The following SMAP1 variants were observed in gnomAD, a reference collection of about 807,000 sequenced individuals.
SMAP1 encodes small ArfGAP 1, also known as stromal membrane-associated protein 1.
Under a neutral mutation model 58.5 loss-of-function variants are expected in SMAP1, and 24 were observed. The ratio of observed to expected loss-of-function variants is 0.41; its 90% CI spans 0.30 to 0.58. SMAP1 has a LOEUF of 0.58. Ranked by LOEUF, SMAP1 falls within the 20% of genes least tolerant of loss-of-function variation. The probability of loss-of-function intolerance (pLI) is 0.29; values close to 1 mark genes in which losing one functional copy is unlikely to be tolerated. For synonymous variants in SMAP1, 216 were observed against 196.6 expected (o/e 1.10, Z -0.82); for missense variants, 563 against 566.3 (o/e 0.99, Z 0.06).
rs746259002 is a variant in SMAP1, at chr6:70,773,049, G to A, written c.339-301G>A. ...CAAATGAACCTGAATTGAATTTAAA[G>A]TGTGGTGATGCATTGATAGTGGTGG... On this transcript the variant is annotated intron_variant, in intron 3 of 10. Coordinates refer to ENST00000370455, the MANE Select transcript of SMAP1 (RefSeq NM_001044305.3). 2.9e-5 allele frequency: 8 copies of A among 277,726 alleles called. No individual in the cohort carries two copies. In the East Asian group the frequency reaches 6.4e-4, roughly 22 times the overall value. The allele number at this position is 277,726 out of a possible 1,614,324, so 17.2% of individuals were successfully genotyped here. A position where few individuals can be genotyped will look rare whatever the true frequency, so the allele number is the denominator to read the frequency against.
chr6:70,783,885 A>G (rs536431711), intron 4 of SMAP1, among the ~76,000 whole-genome samples: 77 of 152,344 alleles, frequency 5.1e-4, no homozygotes, highest in African/African-American at 1.6e-3. Context: ...TCTGCAGGAT[A>G]TTATCCAGGA....
intron 1 of SMAP1, among the ~76,000 whole-genome samples, chr6:70,684,996 C>G (rs916039659): frequency 6.6e-6 from 1 of 152,106 alleles, no homozygotes; most frequent in Non-Finnish European, 1.5e-5. Flanking sequence ...TTTATGAGCT[C>G]CAGTGTCATT....
chr6:70,750,135 A>G (rs762131486), intron 2 of SMAP1, among the ~76,000 whole-genome samples: 23 of 152,146 alleles, frequency 1.5e-4, no homozygotes, highest in African/African-American at 5.3e-4. Context: ...TTATCTTCAC[A>G]TATTTATTTC....
intron 5 of SMAP1, among the ~76,000 whole-genome samples, chr6:70,794,559 C>G (rs1189055673): frequency 6.6e-6 from 1 of 152,098 alleles, no homozygotes; most frequent in African/African-American, 2.4e-5. Flanking sequence ...TATCTCCCAC[C>G]ACCCCACGAC....
rs1489224743 is a variant in SMAP1 at position 70,791,758 on chromosome 6, A to C, written c.484A>C (p.Asn162His). The stretch of plus-strand genomic sequence containing the variant: ...TTCTCTGCAAGCTGCTGTTGACAAA[A>C]ATAAATTGGAGGTATGGTCATGTTT... The part of the protein sequence containing the change: ...SPSLQAAVDK[N>H]KLEKEKEKKK... Residue 162 changes from asparagine to histidine, a missense_variant, in exon 5 of 11, where the codon AAT (asparagine) becomes CAT (histidine). Asn to His is a moderately conservative substitution (Grantham distance 68, BLOSUM62 1). Coordinates refer to ENST00000370455, the MANE Select transcript of SMAP1 (RefSeq NM_001044305.3). 6.2e-7 allele frequency: 1 copy of C among 1,613,220 alleles called. No individual in the cohort carries two copies. The highest frequency in any genetic ancestry group is 1.7e-5 in the Admixed American group (1 of 59,954).
chr6:70,705,326 T>A (rs4707848), intron 1 of SMAP1, among the ~76,000 whole-genome samples: 103,126 of 151,210 alleles, frequency 0.68, 36,465 homozygotes, highest in African/African-American at 0.87. Context: ...ATCTTGGGTC[T>A]CTGCAGCTTC....
chr6:70,728,098 G>A (rs1765263241), intron 1 of SMAP1, among the ~76,000 whole-genome samples: 1 of 152,090 alleles, frequency 6.6e-6, no homozygotes, highest in African/African-American at 2.4e-5. Flanking sequence ...CAGGGTAGAA[G>A]TTTATTTCTC....
chr6:70,739,237 G>A (rs549391265), intron 2 of SMAP1, among the ~76,000 whole-genome samples: 3 of 152,222 alleles, frequency 2.0e-5, no homozygotes, highest in African/African-American at 7.2e-5. Flanking sequence ...AAGTTTTCAT[G>A]ACACTATTTT....
intron 3 of SMAP1, among the ~76,000 whole-genome samples, chr6:70,760,698 A>G (rs1329484314): frequency 6.6e-6 from 1 of 152,080 alleles, no homozygotes; most frequent in Non-Finnish European, 1.5e-5. Context: ...GTAGTTTTAT[A>G]GATATAAATA....
intron 3 of SMAP1, among the ~76,000 whole-genome samples, chr6:70,765,966 A>T (rs376182863): frequency 7.1e-6 from 1 of 141,314 alleles, no homozygotes; most frequent in Admixed American, 7.9e-5. Context: ...TCATTGTTCA[A>T]TTCCCACCTA....
At chr6:70,785,743 G>A (rs904836895) in intron 4 of SMAP1, among the ~76,000 whole-genome samples, 1 of 152,132 alleles carries the variant, frequency 6.6e-6, no homozygotes, top group Non-Finnish European at 1.5e-5. Context: ...CCTCCCAAGA[G>A]TAAACCAGGA....
chr6:70,764,392 T>G (rs1022570796), intron 3 of SMAP1, among the ~76,000 whole-genome samples: 2 of 152,246 alleles, frequency 1.3e-5, no homozygotes, highest in Non-Finnish European at 2.9e-5. Context: ...ACGTTCATAC[T>G]GGAGAAGTGA....
At chr6:70,760,128 G>T (rs1421079508) in intron 3 of SMAP1, among the ~76,000 whole-genome samples, 1 of 151,998 alleles carries the variant, frequency 6.6e-6, no homozygotes, top group African/African-American at 2.4e-5. Context: ...TTTAAGTCTT[G>T]ATTGCCTTTG....
At chr6:70,813,880 T>C (rs1247072949) in intron 6 of SMAP1, among the ~76,000 whole-genome samples, 4 of 152,190 alleles carry the variant, frequency 2.6e-5, no homozygotes, top group South Asian at 2.1e-4. Flanking sequence ...TGCAGACATA[T>C]ACAATTTTAT....
intron 1 of SMAP1, among the ~76,000 whole-genome samples, chr6:70,684,202 T>A (rs946845649): frequency 6.6e-6 from 1 of 152,244 alleles, no homozygotes; most frequent in African/African-American, 2.4e-5. Context: ...TCATCTGCAG[T>A]GTTAACTAGG....
chr6:70,726,309 GA>G (rs1193100964), intron 1 of SMAP1, among the ~76,000 whole-genome samples: 1 of 152,174 alleles, frequency 6.6e-6, no homozygotes, highest in African/African-American at 2.4e-5. Flanking sequence ...GTAAGCTAGA[GA>G]CTGCTTAAAT....
intron 2 of SMAP1, among the ~76,000 whole-genome samples, chr6:70,740,082 A>G (rs1353158869): frequency 6.6e-6 from 1 of 152,122 alleles, no homozygotes; most frequent in African/African-American, 2.4e-5. Flanking sequence ...ATGTGTCTTC[A>G]TTGTAGAGCT....
chr6:70,801,075 T>A (rs1207206589), intron 6 of SMAP1, among the ~76,000 whole-genome samples: 1 of 152,218 alleles, frequency 6.6e-6, no homozygotes, highest in Non-Finnish European at 1.5e-5. Flanking sequence ...TAGTTCTAGA[T>A]CCTTGGGGAA....
intron 4 of SMAP1, among the ~76,000 whole-genome samples, chr6:70,782,380 T>C (rs960235858): frequency 6.6e-6 from 1 of 152,226 alleles, no homozygotes; most frequent in Non-Finnish European, 1.5e-5. Context: ...AAATATTTAT[T>C]GAGACCTGTT....
Sources: allele counts gnomAD v4.1 joint callset (sites outside exome capture counted in the v4.1 genomes callset), GRCh38; gene constraint gnomAD v4.1.1; transcripts MANE v1.5; gene names NCBI Gene and HGNC (gene_info 2026-07-23, HGNC 2026-07-21).